The following RYR2 variants were observed in gnomAD, a reference collection of about 807,000 sequenced individuals.
RYR2 encodes the protein ryanodine receptor 2.
In RYR2, 227 loss-of-function variants were observed where a neutral mutation model predicts 601.1. The ratio of observed to expected loss-of-function variants is 0.38; its 90% CI spans 0.34 to 0.42. The LOEUF (loss-of-function observed/expected upper bound fraction) is 0.42. Among genes scored for constraint, RYR2 ranks in the 10% least tolerant of loss-of-function variants. RYR2 has a pLI of 1.00. For synonymous variants in RYR2, 2,223 were observed against 2,175.1 expected (o/e 1.02, Z -0.61); for missense variants, 4,646 against 6,156.5 (o/e 0.75, Z 8.21).
At chr1:237,807,024 C>T (rs948937625) in intron 99 of RYR2, among the ~76,000 whole-genome samples, 4 of 152,142 alleles carry the variant, frequency 2.6e-5, no homozygotes, top group Non-Finnish European at 5.9e-5. Flanking sequence ...AGTCTTGTAG[C>T]CCAGCACATT....
intron 79 of RYR2, among the ~76,000 whole-genome samples, chr1:237,739,856 T>C (rs141490112): frequency 4.6e-4 from 70 of 152,344 alleles, no homozygotes; most frequent in African/African-American, 1.6e-3. Flanking sequence ...CAGCAGATAC[T>C]GGCAAGCTGA....
At chr1:237,778,578 C>A (rs1181735653) in intron 87 of RYR2, 88 bp from the exon 88 acceptor site, 2 of 621,388 alleles carry the variant, frequency 3.2e-6, no homozygotes, top group African/African-American at 3.6e-5. Flanking sequence ...TATATCAGCA[C>A]TAAGTCAACT....
chr1:237,731,956 T>C (rs1690725569), intron 77 of RYR2, 90 bp from the exon 78 acceptor site: 2 of 748,622 alleles, frequency 2.7e-6, no homozygotes, highest in Admixed American at 4.6e-5. Flanking sequence ...GCATTCCTTT[T>C]ATTCTTCATT....
intron 10 of RYR2, among the ~76,000 whole-genome samples, chr1:237,398,881 T>C (rs184229524): frequency 6.6e-6 from 1 of 152,224 alleles, no homozygotes; most frequent in Admixed American, 6.5e-5. Context: ...AGCAGTGAAA[T>C]GGAATGGTCT....
intron 53 of RYR2, among the ~76,000 whole-genome samples, chr1:237,656,911 A>G (rs1257605315): frequency 6.6e-6 from 1 of 152,156 alleles, no homozygotes; most frequent in East Asian, 1.9e-4. Context: ...TATATGATTG[A>G]TCTTTTGTAT....
chr1:237,309,233 G>A (rs1404425808), intron 2 of RYR2, among the ~76,000 whole-genome samples: 2 of 142,692 alleles, frequency 1.4e-5, no homozygotes, highest in East Asian at 2.1e-4. Flanking sequence ...CAAACCTTGA[G>A]CTAGACACAG....
chr1:237,365,997 A>T (rs1700163439), intron 5 of RYR2, among the ~76,000 whole-genome samples: 1 of 152,240 alleles, frequency 6.6e-6, no homozygotes, highest in African/African-American at 2.4e-5. Flanking sequence ...AAAGGTTAGA[A>T]TTGGATTAAG....
chr1:237,072,405 A>T (rs1664473208), intron 1 of RYR2, among the ~76,000 whole-genome samples: 1 of 152,168 alleles, frequency 6.6e-6, no homozygotes, highest in Non-Finnish European at 1.5e-5. Flanking sequence ...GGCAGAGGAG[A>T]TGAGAGACAG....
chr1:237,548,684 T>C, intron 26 of RYR2, 94 bp downstream of exon 26: 2 of 1,438,684 alleles, frequency 1.4e-6, no homozygotes, highest in Admixed American at 2.1e-5. Flanking sequence ...ATTTTAAAAC[T>C]TGTATCATAT....
At chr1:237,398,520 A>T (rs1405137652) in intron 10 of RYR2, among the ~76,000 whole-genome samples, 2 of 152,240 alleles carry the variant, frequency 1.3e-5, no homozygotes, top group Non-Finnish European at 2.9e-5. Context: ...CAGCATTATG[A>T]CCCATTATAG....
intron 29 of RYR2, among the ~76,000 whole-genome samples, chr1:237,572,247 G>A (rs1672778357): frequency 6.6e-6 from 1 of 152,122 alleles, no homozygotes; most frequent in Admixed American, 6.6e-5. Context: ...TACTATGGAT[G>A]TGACTTAGGT....
chr1:237,306,070 T>G (rs7547502), intron 2 of RYR2, among the ~76,000 whole-genome samples: 131,986 of 152,150 alleles, frequency 0.87, 58,320 homozygotes, highest in East Asian at 0.98. Flanking sequence ...TACTAATGCT[T>G]CATTAATAAG....
At chr1:237,473,477 C>CTTTCTTTCTTCTTCTTTCTTTCTT (rs1553464755) in intron 17 of RYR2, among the ~76,000 whole-genome samples, 3 of 145,558 alleles carry the variant, frequency 2.1e-5, no homozygotes, top group Admixed American at 7.0e-5. Context: ...ATCTATCTAT[C>CTTTCTTTCTTCTTCTTTCTTTCTT]TGGCATATAT....
chr1:237,818,629 T>A (rs1662099312), intron 100 of RYR2, among the ~76,000 whole-genome samples: 1 of 152,038 alleles, frequency 6.6e-6, no homozygotes, highest in Non-Finnish European at 1.5e-5. Flanking sequence ...TAAGATTCCA[T>A]CTTATTACCT....
rs1668666964 is a variant in RYR2, at chr1:237,106,232, G to A, written c.48+63663G>A. 6.6e-6 allele frequency among the ~76,000 whole-genome samples: 1 copy of A among 152,204 alleles called. No individual in the cohort carries two copies. The highest frequency in any genetic ancestry group is 1.9e-4 in the East Asian group (1 of 5,186). ...CCGTCTGGCCACTGTGTTGAGAATA[G>A]ATGTTCCTGGTAAACAGGGGTGGGC... On this transcript the variant is annotated intron_variant, in intron 1 of 104. Coordinates refer to ENST00000366574, the MANE Select transcript of RYR2 (RefSeq NM_001035.3). This position sits in a 1 kb window ranked among gnomAD's most constrained non-coding sequence, Gnocchi z 4.4.
intron 27 of RYR2, among the ~76,000 whole-genome samples, chr1:237,564,579 T>C (rs1295151279): frequency 6.6e-6 from 1 of 152,070 alleles, no homozygotes; most frequent in Non-Finnish European, 1.5e-5. Context: ...CAAGAACTAG[T>C]TTCTTAATAG....
chr1:237,121,052 G>GTGCA (rs5781934), intron 1 of RYR2: 3 of 151,566 alleles, frequency 2.0e-5, no homozygotes, highest in Non-Finnish European at 2.9e-5. Flanking sequence ...GTGTGTGTGT[G>GTGCA]CACATGTGTG....
Position 237,828,457 on chromosome 1 carries a change from C to T in RYR2, c.14655+12C>T. On this transcript the variant is annotated intron_variant, in intron 102 of 104. Transcript: ENST00000366574. ...AAGAAGACATGGAGGTAAGCTTCTC[C>T]ATTCATGACTCAGCTTCTTTGTTGT... The T allele has an allele frequency of 6.5e-7, 1 of 1,539,952 alleles. No individual in the cohort carries two copies. Among genetic ancestry groups the T allele is most frequent in the Non-Finnish European group, 8.8e-7 (1 of 1,134,226 alleles).
At chr1:237,634,593 A>G (rs1680677822) in intron 43 of RYR2, among the ~76,000 whole-genome samples, 1 of 152,214 alleles carries the variant, frequency 6.6e-6, no homozygotes, top group Admixed American at 6.5e-5. Flanking sequence ...TCGCTGCCAG[A>G]GTAGATTTTG....
Sources: allele counts gnomAD v4.1 joint callset (sites outside exome capture counted in the v4.1 genomes callset), GRCh38; gene constraint gnomAD v4.1.1; non-coding constraint Gnocchi (gnomAD v3.1); transcripts MANE v1.5; gene names NCBI Gene and HGNC (gene_info 2026-07-23, HGNC 2026-07-21).